The following PFKFB3 variants were observed in gnomAD, a reference collection of about 807,000 sequenced individuals.
The protein encoded by PFKFB3 is 6-phosphofructo-2-kinase/fructose-2,6-bisphosphatase 3.
Under a neutral mutation model 68.0 loss-of-function variants are expected in PFKFB3, and 33 were observed. The observed-to-expected ratio is 0.49, with a 90% confidence interval of 0.37 to 0.65. PFKFB3 has a LOEUF of 0.65. PFKFB3 is among the 30% of genes least tolerant of loss of function. PFKFB3 has a pLI of 0.00. For synonymous variants in PFKFB3, 315 were observed against 288.2 expected (o/e 1.09, Z -0.94); for missense variants, 586 against 712.2 (o/e 0.82, Z 2.02).
At chr10:6,179,837 G>T (rs998871957) in intron 1 of PFKFB3, among the ~76,000 whole-genome samples, 2 of 152,160 alleles carry the variant, frequency 1.3e-5, no homozygotes, top group Non-Finnish European at 2.9e-5. Context: ...GCTCCAAAGT[G>T]GGGAGGGAGT....
downstream of PFKFB3, among the ~76,000 whole-genome samples, chr10:6,240,164 G>A (rs1168429861): frequency 2.6e-5 from 4 of 152,190 alleles, no homozygotes; most frequent in Admixed American, 6.5e-5. Flanking sequence ...GATGCAGGAC[G>A]TTTGCAAGTT....
At chr10:6,182,006 C>T (rs919626807) in intron 1 of PFKFB3, among the ~76,000 whole-genome samples, 6 of 152,032 alleles carry the variant, frequency 3.9e-5, no homozygotes, top group African/African-American at 1.4e-4. Flanking sequence ...GGCTGCATAA[C>T]ACTGTGATTG....
intron 1 of PFKFB3, 124 bp downstream of exon 1, chr10:6,203,460 G>T (rs1843475518): frequency 4.6e-6 from 2 of 432,002 alleles, no homozygotes; most frequent in Non-Finnish European, 3.4e-6. Context: ...CGCCGGCGGG[G>T]CGGGGCGGAG....
At chr10:6,244,022 G>A (rs1846198332) in intron 14 of PFKFB3, among the ~76,000 whole-genome samples, 1 of 152,040 alleles carries the variant, frequency 6.6e-6, no homozygotes, top group Non-Finnish European at 1.5e-5. Context: ...ATCACGCCCA[G>A]CTAATACTTT....
intron 1 of PFKFB3, among the ~76,000 whole-genome samples, chr10:6,182,665 G>C (rs930836308): frequency 7.9e-5 from 12 of 152,228 alleles, no homozygotes; most frequent in Non-Finnish European, 1.6e-4. Flanking sequence ...CTCAGGCCCT[G>C]TTCCCCTTCT....
At chr10:6,265,121 C>T in the PFKFB3 span, among the ~76,000 whole-genome samples, 1 of 144,694 alleles carries the variant, frequency 6.9e-6, no homozygotes, top group African/African-American at 2.6e-5. Flanking sequence ...AACTCTGTCA[C>T]CCAGGCTGGA....
the PFKFB3 span, among the ~76,000 whole-genome samples, chr10:6,315,578 G>T: frequency 6.6e-6 from 1 of 152,148 alleles, no homozygotes; most frequent in Non-Finnish European, 1.5e-5. Context: ...CCGCCTCCTG[G>T]GTTCAAGCCA....
chr10:6,274,709 C>T, the PFKFB3 span, among the ~76,000 whole-genome samples: 5 of 152,048 alleles, frequency 3.3e-5, no homozygotes, highest in Non-Finnish European at 5.9e-5. Context: ...TGGTGGCACA[C>T]GCCTATAGTC....
chr10:6,183,223 C>T (rs1842768577), intron 1 of PFKFB3, among the ~76,000 whole-genome samples: 2 of 152,306 alleles, frequency 1.3e-5, no homozygotes, highest in South Asian at 2.1e-4. Flanking sequence ...TGAACAGCTG[C>T]GGAATGGCTT....
chr10:6,288,447 C>T, the PFKFB3 span, among the ~76,000 whole-genome samples: 2,908 of 147,750 alleles, frequency 0.02, 100 homozygotes, highest in African/African-American at 0.064. Flanking sequence ...AGTGAGAACA[C>T]GCGGTGTTTG....
At chr10:6,266,218 T>G in the PFKFB3 span, among the ~76,000 whole-genome samples, 1 of 152,176 alleles carries the variant, frequency 6.6e-6, no homozygotes, top group South Asian at 2.1e-4. Context: ...ACTGTTTATT[T>G]TATGGATTCA....
chr10:6,220,355 G>A lies in PFKFB3; in HGVS notation c.624-303G>A, dbSNP rs1844866841. Among the ~76,000 whole-genome samples, 1 of 151,880 alleles carries A rather than the reference G, an allele frequency of 6.6e-6. No homozygotes were observed. The highest frequency in any genetic ancestry group is 2.4e-5 in the African/African-American group (1 of 41,320). On this transcript the variant is annotated intron_variant, in intron 7 of 14. Coordinates refer to ENST00000379775, the MANE Select transcript of PFKFB3 (RefSeq NM_004566.4). The surrounding 1 kb of genome is among the most constrained non-coding windows in gnomAD (Gnocchi z 4.1). ...TAGACTCAAGCAATCCTCTTGCCTC[G>A]GCCTCCCAAAGTGCTGGGATTACAG...
At chr10:6,279,019 C>T in the PFKFB3 span, among the ~76,000 whole-genome samples, 3 of 152,320 alleles carry the variant, frequency 2.0e-5, no homozygotes, top group South Asian at 6.2e-4. Context: ...ATGCATGAAG[C>T]CCTGAGTGTG....
chr10:6,225,656 C>T (rs1588528360), intron 13 of PFKFB3, among the ~76,000 whole-genome samples: 1 of 152,374 alleles, frequency 6.6e-6, no homozygotes, highest in East Asian at 1.9e-4. Flanking sequence ...TGCACATTTT[C>T]TGCGCCTTTG....
intron 1 of PFKFB3, among the ~76,000 whole-genome samples, chr10:6,205,711 C>G (rs1479887997): frequency 6.6e-6 from 1 of 152,116 alleles, no homozygotes; most frequent in Non-Finnish European, 1.5e-5. Flanking sequence ...TTTCTTTCTC[C>G]TAAACTTGTT....
intron 1 of PFKFB3, among the ~76,000 whole-genome samples, chr10:6,177,389 T>TCTTTCTTTCTTTCTTTCTTTC (rs1842514887): frequency 1.3e-4 from 16 of 122,968 alleles, no homozygotes; most frequent in Non-Finnish European, 2.3e-4. Context: ...TCTTTCTTTC[T>TCTTTCTTTCTTTCTTTCTTTC]TTCTTTCTTT....
chr10:6,258,853 CT>C (rs1367592460), downstream of PFKFB3, among the ~76,000 whole-genome samples: 1 of 152,184 alleles, frequency 6.6e-6, no homozygotes, highest in African/African-American at 2.4e-5. Flanking sequence ...ATTCTTTCCC[CT>C]GGTCAGTAAA....
chr10:6,194,992 C>T (rs1293712709), intron 1 of PFKFB3, among the ~76,000 whole-genome samples: 2 of 151,942 alleles, frequency 1.3e-5, no homozygotes, highest in African/African-American at 4.8e-5. Flanking sequence ...CCTGCCTTGG[C>T]CTCCCGAGTA....
At chr10:6,227,702 T>C (rs1350506784) in intron 14 of PFKFB3, among the ~76,000 whole-genome samples, 1 of 152,176 alleles carries the variant, frequency 6.6e-6, no homozygotes, top group East Asian at 1.9e-4. Context: ...CACACTAACA[T>C]GAGTGCAGCA....
Sources: allele counts gnomAD v4.1 joint callset (sites outside exome capture counted in the v4.1 genomes callset), GRCh38; gene constraint gnomAD v4.1.1; non-coding constraint Gnocchi (gnomAD v3.1); transcripts MANE v1.5; gene names NCBI Gene and HGNC (gene_info 2026-07-23, HGNC 2026-07-21).